VPS50: variants seen among roughly 807,000 people sequenced by gnomAD.
VPS50 encodes the protein syndetin.
A neutral mutation model predicts 139.7 loss-of-function variants in VPS50; 70 were observed. That is an observed-to-expected ratio of 0.50 (90% CI 0.41 to 0.61). VPS50 has a LOEUF of 0.61. Ranked by LOEUF, VPS50 falls within the 20% of genes least tolerant of loss-of-function variation. The pLI is 0.00. For synonymous variants in VPS50, 365 were observed against 376.7 expected, an observed-to-expected ratio of 0.97 and a Z score of 0.36; for missense variants, 921 against 1,133.7, an observed-to-expected ratio of 0.81 and a Z score of 2.69.
intron 26 of VPS50, among the ~76,000 whole-genome samples, chr7:93,355,036 C>T (rs985466152): frequency 9.4e-5 from 14 of 149,056 alleles, no homozygotes; most frequent in Non-Finnish European, 1.3e-4. Context: ...TCAGCAATCA[C>T]GAATGAAGAG....
intron 18 of VPS50, among the ~76,000 whole-genome samples, chr7:93,308,219 T>A (rs1031972761): frequency 2.6e-5 from 4 of 151,864 alleles, no homozygotes; most frequent in Non-Finnish European, 5.9e-5. Context: ...ATGCTGGCAT[T>A]GGGCCATGGT....
At chr7:93,318,770 C>A (rs1797506490) in intron 20 of VPS50, among the ~76,000 whole-genome samples, 1 of 152,080 alleles carries the variant, frequency 6.6e-6, no homozygotes, top group South Asian at 2.1e-4. Flanking sequence ...GAAAAAATTT[C>A]TCCCCCATGT....
chr7:93,252,596 T>G (rs567929152), intron 2 of VPS50, 57 bp from the exon 3 acceptor site: 2 of 1,130,488 alleles, frequency 1.8e-6, no homozygotes, highest in East Asian at 4.8e-5. Context: ...TTTATTTCCA[T>G]GCAGATATAA....
intron 21 of VPS50, among the ~76,000 whole-genome samples, chr7:93,333,126 A>T (rs190593128): frequency 6.6e-6 from 1 of 152,282 alleles, no homozygotes; most frequent in East Asian, 1.9e-4. Context: ...AAATAGAAGA[A>T]AAATGGATTA....
At chr7:93,237,061 C>T (rs1794830212) in intron 1 of VPS50, among the ~76,000 whole-genome samples, 2 of 149,088 alleles carry the variant, frequency 1.3e-5, no homozygotes, top group South Asian at 4.2e-4. Context: ...TGCCATTCGC[C>T]TGCCTCAGCC....
At chr7:93,308,981 C>A in intron 19 of VPS50, 39 bp downstream of exon 19, 1 of 1,071,604 alleles carries the variant, frequency 9.3e-7, no homozygotes, top group South Asian at 1.3e-5. Flanking sequence ...AGCATTTTAT[C>A]TTGTGCTCTT....
At chr7:93,323,514 A>C (rs1485757567) in intron 20 of VPS50, 97 bp from the exon 21 acceptor site, 4 of 365,348 alleles carry the variant, frequency 1.1e-5, no homozygotes, top group Admixed American at 4.9e-5. Context: ...ATTATATTTA[A>C]ATATTTTAGT....
intron 18 of VPS50, among the ~76,000 whole-genome samples, chr7:93,307,286 A>G (rs1361954318): frequency 1.3e-5 from 2 of 151,898 alleles, no homozygotes; most frequent in East Asian, 3.9e-4. Flanking sequence ...AGACACACAT[A>G]TTTTGTTTCT....
Position 93,311,149 on chromosome 7 carries a change from T to A in VPS50, c.1749-17T>A. On this transcript the variant is annotated splice_polypyrimidine_tract_variant and intron_variant, in intron 19 of 27. Coordinates refer to ENST00000305866, the MANE Select transcript of VPS50 (RefSeq NM_017667.4). ...CTTGACAACTCTAGCAACTCTGTTT[T>A]GTTTTTCCATATCAAGTGTTTCTCG... 3.1e-6 allele frequency: 3 copies of A among 961,196 alleles called. No homozygotes were observed. Among genetic ancestry groups the A allele is most frequent in the Non-Finnish European group, 5.1e-6 (3 of 583,400 alleles). 59.5% of individuals were successfully genotyped at this position (961,196 alleles called of 1,614,324 possible). A position where few individuals can be genotyped will look rare whatever the true frequency, so the allele number is the denominator to read the frequency against.
intron 21 of VPS50, among the ~76,000 whole-genome samples, chr7:93,325,017 G>A (rs1267944710): frequency 6.6e-6 from 1 of 151,974 alleles, no homozygotes; most frequent in East Asian, 1.9e-4. Context: ...AACAAAGCTG[G>A]AGGCATCACA....
intron 1 of VPS50, 61 bp downstream of exon 1, chr7:93,232,561 G>T: frequency 1.4e-6 from 2 of 1,421,648 alleles, no homozygotes; most frequent in South Asian, 2.3e-5. Context: ...GAGCCGAGAT[G>T]TTCTGTCCCC....
intron 3 of VPS50, 92 bp downstream of exon 3, chr7:93,252,867 A>G: frequency 2.0e-6 from 2 of 978,440 alleles, no homozygotes; most frequent in South Asian, 1.7e-5. Context: ...GCATTTATGT[A>G]TTTTTGGTAC....
intron 21 of VPS50, 159 bp from the exon 22 acceptor site, chr7:93,333,958 C>T (rs1312168995): frequency 6.8e-6 from 4 of 585,228 alleles, no homozygotes; most frequent in Non-Finnish European, 1.2e-5. Context: ...TGAGATTTGA[C>T]TCCTTTGTTT....
chr7:93,287,352 T>A (rs1196374242), intron 12 of VPS50, among the ~76,000 whole-genome samples: 2 of 151,872 alleles, frequency 1.3e-5, no homozygotes, highest in African/African-American at 4.8e-5. Context: ...TAAACATCTG[T>A]GTGTGTATAT....
intron 4 of VPS50, among the ~76,000 whole-genome samples, chr7:93,255,452 T>G (rs532742911): frequency 1.3e-5 from 2 of 152,294 alleles, no homozygotes; most frequent in African/African-American, 4.8e-5. Flanking sequence ...TAAATACAGA[T>G]GAAGCTTCGC....
At position 93,360,957 on chromosome 7, in the gene VPS50, T is replaced by C. The variant is rs1050970690; in HGVS notation, c.*2521T>C. ...GAAACCAGGGCCATATGGTATTTTA[T>C]CATATCTTTAAATAAAATTTCGAAA... On this transcript the variant is annotated 3_prime_UTR_variant, in exon 28 of 28. Coordinates refer to ENST00000305866, the MANE Select transcript of VPS50 (RefSeq NM_017667.4). The C allele has an allele frequency of 6.6e-6, 1 of 151,984 alleles. No homozygotes were observed. Among genetic ancestry groups the C allele is most frequent in the Non-Finnish European group, 1.5e-5 (1 of 67,970 alleles). The allele number at this position is 151,984 out of a possible 1,614,324, so 9.4% of individuals were successfully genotyped here.
At chr7:93,244,047 CT>C (rs1335582916) in intron 2 of VPS50, among the ~76,000 whole-genome samples, 11 of 151,628 alleles carry the variant, frequency 7.3e-5, no homozygotes, top group Admixed American at 1.3e-4. Flanking sequence ...GCTGTCTTTA[CT>C]TTTACATGAT....
intron 21 of VPS50, among the ~76,000 whole-genome samples, chr7:93,324,720 G>T (rs867554145): frequency 2.8e-4 from 43 of 152,050 alleles, no homozygotes; most frequent in Middle Eastern, 6.8e-3. Context: ...AAAATACCTA[G>T]GAATCCAACT....
In VPS50 at chr7:93,308,929, G is replaced by A; in HGVS notation, c.1735G>A (p.Gly579Ser). 1 of 1,551,806 alleles carries A rather than the reference G, an allele frequency of 6.4e-7. No homozygotes were observed. The highest frequency in any genetic ancestry group is 8.9e-7 in the Non-Finnish European group (1 of 1,124,492). Reference protein sequence around the residue: ...RDYVDEQTGDGPVKSVSRETL... With the variant: ...RDYVDEQTGDSPVKSVSRETL... ...CTATGTGGATGAGCAGACAGGAGATGGTCCTGTGAAAAGGTGATTGTTCTT... is the reference window on the plus strand; with the variant it reads ...CTATGTGGATGAGCAGACAGGAGATAGTCCTGTGAAAAGGTGATTGTTCTT... The change falls in exon 19 of 28, where the codon GGT becomes AGT. Residue 579 changes from glycine (G) to serine (S), a missense_variant. Physicochemically the swap from Gly to Ser is moderately conservative, Grantham distance 56. This residue lies in a region of VPS50 where 744 missense variants were observed against 930.6 expected (regional missense o/e 0.80). Transcript: ENST00000305866.
Sources: allele counts gnomAD v4.1 joint callset (sites outside exome capture counted in the v4.1 genomes callset), GRCh38; gene constraint gnomAD v4.1.1; regional missense constraint gnomAD v4.1.1; transcripts MANE v1.5; gene names NCBI Gene and HGNC (gene_info 2026-07-23, HGNC 2026-07-21).